The following SLC6A16 variants were observed in gnomAD, a reference collection of about 807,000 sequenced individuals.
SLC6A16 encodes the protein orphan sodium- and chloride-dependent neurotransmitter transporter NTT5.
A neutral mutation model predicts 65.4 loss-of-function variants in SLC6A16; 54 were observed. That is an observed-to-expected ratio of 0.83 (90% CI 0.66 to 1.04). The LOEUF is 1.04. Among genes scored for constraint, SLC6A16 ranks in the 50% least tolerant of loss-of-function variants. The pLI is 0.00. For missense variants in SLC6A16, 816 were observed against 914.0 expected (o/e 0.89, Z 1.38); for synonymous variants, 330 against 346.5 (o/e 0.95, Z 0.53).
chr19:49,322,874 A>G (rs918156700), intron 1 of SLC6A16, among the ~76,000 whole-genome samples: 2 of 126,228 alleles, frequency 1.6e-5, no homozygotes, highest in African/African-American at 5.7e-5. Flanking sequence ...CAGAAATAGA[A>G]AAACACGTCC....
rs577442023 is a variant in SLC6A16, at chr19:49,321,924, C to CAA, written c.-65+3122_-65+3123dup. On this transcript the variant is annotated intron_variant, in intron 1 of 11. Transcript: ENST00000335875. ...GTCACAAAGTGACACCATGTCTCAG[C>CAA]AAAAAAAAAAAAAGGAAAATATCCC... Among the ~76,000 whole-genome samples, 12 of 107,006 alleles carry CAA rather than the reference C, an allele frequency of 1.1e-4. No homozygotes were observed. In the East Asian group the frequency reaches 2.4e-3, roughly 21 times the overall value. The allele number at this position is 107,006 out of a possible 152,430, so 70.2% of individuals were successfully genotyped here. A position where few individuals can be genotyped will look rare whatever the true frequency, so the allele number is the denominator to read the frequency against.
intron 7 of SLC6A16, among the ~76,000 whole-genome samples, chr19:49,307,051 C>CTTTTT (rs1197711801): frequency 8.2e-4 from 50 of 61,006 alleles, no homozygotes; most frequent in African/African-American, 1.3e-3. Flanking sequence ...GTTTTATACA[C>CTTTTT]TTTTTTTTTT....
intron 8 of SLC6A16, 146 bp downstream of exon 8, chr19:49,294,221 G>T (rs1036455799): frequency 3.3e-6 from 3 of 904,336 alleles, no homozygotes; most frequent in Non-Finnish European, 5.0e-6. Flanking sequence ...AGGCCATTCC[G>T]CAAAGTATAG....
chr19:49,299,557 AG>A (rs1970247764), intron 7 of SLC6A16, among the ~76,000 whole-genome samples: 1 of 149,936 alleles, frequency 6.7e-6, no homozygotes, highest in Non-Finnish European at 1.5e-5. Context: ...AAAGAAAGAA[AG>A]AAAGAGAAAG....
Position 49,308,912 on chromosome 19 carries a change from A to C in SLC6A16, c.1193T>G (p.Phe398Cys). The change falls in exon 7 of 12, where the codon TTC becomes TGC. Residue 398 changes from phenylalanine (F) to cysteine (C), a missense_variant. Phe to Cys is a radical substitution (Grantham distance 205). Coordinates refer to ENST00000335875, the MANE Select transcript of SLC6A16 (RefSeq NM_014037.3). ...FTSFNFCVLG[F>C]WATVITHRCC... is the part of the protein sequence containing the mutation. The stretch of plus-strand genomic sequence containing the variant: ...GCGATGTGTGATGACTGTCGCCCAG[A>C]AGCCCAGGACACAGAAGTTGAAAGA... The C allele has an allele frequency of 6.2e-7, 1 of 1,614,170 alleles. No individual in the cohort carries two copies. Among genetic ancestry groups the C allele is most frequent in the Non-Finnish European group, 8.5e-7 (1 of 1,180,046 alleles).
chr19:49,326,473 G>A (rs1463481892), upstream of SLC6A16, among the ~76,000 whole-genome samples: 1 of 152,178 alleles, frequency 6.6e-6, no homozygotes, highest in African/African-American at 2.4e-5. Flanking sequence ...CTTTGAGAAT[G>A]AAAGGCTTAA....
the SLC6A16 span, chr19:49,331,833 C>G: frequency 4.4e-6 from 2 of 457,024 alleles, no homozygotes; most frequent in Non-Finnish European, 8.8e-6. Context: ...TCCTGTGTGC[C>G]TAGGAAAGAA....
At chr19:49,306,130 C>T (rs1970381251) in intron 7 of SLC6A16, 2 of 151,988 alleles carry the variant, frequency 1.3e-5, no homozygotes, top group Non-Finnish European at 2.9e-5. Context: ...AACCCTGTCT[C>T]TGCTAAAAAT....
At chr19:49,332,285 G>A in the SLC6A16 span, 17 of 456,686 alleles carry the variant, frequency 3.7e-5, no homozygotes, top group East Asian at 1.4e-4. Context: ...AGCCGGGTGC[G>A]GTGGCTCACG....
upstream of SLC6A16, chr19:49,325,258 T>C: frequency 2.0e-6 from 2 of 985,298 alleles, no homozygotes; most frequent in Non-Finnish European, 2.4e-6. Flanking sequence ...ACTCTTTCCC[T>C]ACAGCTGTAG....
chr19:49,324,560 CCT>C (rs1478714575), intron 1 of SLC6A16, among the ~76,000 whole-genome samples: 1 of 152,174 alleles, frequency 6.6e-6, no homozygotes, highest in Non-Finnish European at 1.5e-5. Flanking sequence ...AGGCTCATGC[CCT>C]GTGGGGAGTG....
chr19:49,319,538 C>G (rs371105357), intron 1 of SLC6A16, among the ~76,000 whole-genome samples: 117 of 149,528 alleles, frequency 7.8e-4, no homozygotes, highest in Non-Finnish European at 9.0e-4. Flanking sequence ...TATACCTATA[C>G]GATATATACA....
chr19:49,337,566 G>A, the SLC6A16 span: 2 of 1,190,468 alleles, frequency 1.7e-6, no homozygotes, highest in African/African-American at 3.1e-5. Flanking sequence ...AGGCTACAGT[G>A]AGCCATGCAC....
chr19:49,319,452 TATAC>T (rs1380204233), intron 1 of SLC6A16, among the ~76,000 whole-genome samples: 1 of 150,338 alleles, frequency 6.7e-6, no homozygotes, highest in Non-Finnish European at 1.5e-5. Flanking sequence ...TACATATACA[TATAC>T]ATATGTGTAT....
Position 49,309,948 on chromosome 19 carries a change from C to T in SLC6A16, c.700+92G>A. The T allele has an allele frequency of 2.7e-6, 4 of 1,502,638 alleles. No individual in the cohort carries two copies. In the East Asian group the frequency reaches 9.1e-5, roughly 34 times the overall value. 93.1% of individuals were successfully genotyped at this position (1,502,638 alleles called of 1,614,324 possible). A position where few individuals can be genotyped will look rare whatever the true frequency, so the allele number is the denominator to read the frequency against. On this transcript the variant is annotated intron_variant, in intron 4 of 11. Transcript: ENST00000335875. ...TTTCTTTTTCCTTCTTCTTCCTCTT[C>T]CTTGTCCCTCCCCACTCTCTCCTAT...
chr19:49,304,545 C>T (rs1970346776), intron 7 of SLC6A16, among the ~76,000 whole-genome samples: 2 of 152,126 alleles, frequency 1.3e-5, no homozygotes, highest in Non-Finnish European at 2.9e-5. Context: ...GTGGGCGGAT[C>T]ACCTGAGGTC....
chr19:49,298,492 A>G (rs1970225041), intron 7 of SLC6A16, among the ~76,000 whole-genome samples: 2 of 152,360 alleles, frequency 1.3e-5, no homozygotes, highest in East Asian at 3.9e-4. Flanking sequence ...ATATGAAAAA[A>G]TGCTCACTGG....
At chr19:49,312,226 T>A (rs186232385) in intron 1 of SLC6A16, among the ~76,000 whole-genome samples, 57 of 152,234 alleles carry the variant, frequency 3.7e-4, no homozygotes, top group Admixed American at 2.3e-3. Flanking sequence ...AAAACAAAAC[T>A]AAACTAAACT....
the SLC6A16 span, among the ~76,000 whole-genome samples, chr19:49,333,991 C>T: frequency 6.6e-6 from 1 of 152,230 alleles, no homozygotes; most frequent in African/African-American, 2.4e-5. Flanking sequence ...GGAAGTACCG[C>T]CTGATGCTCA....
Sources: gnomAD v4.1 joint callset for allele counts (sites outside exome capture counted in the v4.1 genomes callset) on GRCh38, gnomAD v4.1.1 for gene constraint, MANE v1.5 for transcripts, NCBI Gene and HGNC (gene_info 2026-07-23, HGNC 2026-07-21) for gene names.